The following SPATA6 variants were observed in gnomAD, a reference collection of about 807,000 sequenced individuals.
The protein encoded by SPATA6 is spermatogenesis-associated protein 6.
A neutral mutation model predicts 65.3 loss-of-function variants in SPATA6; 56 were observed. The observed-to-expected ratio is 0.86, with a 90% CI of 0.69 to 1.07. SPATA6 has a LOEUF of 1.07. SPATA6 is among the 50% of genes least tolerant of loss of function. The pLI is 0.00. For missense variants in SPATA6, 590 were observed against 594.8 expected (o/e 0.99, Z 0.08); for synonymous variants, 199 against 213.2 (o/e 0.93, Z 0.58).
intron 11 of SPATA6, among the ~76,000 whole-genome samples, chr1:48,340,287 A>G (rs1009033086): frequency 6.7e-6 from 1 of 148,442 alleles, no homozygotes; most frequent in Non-Finnish European, 1.5e-5. Flanking sequence ...AGAATTTTCC[A>G]TGCAAATGAG....
In SPATA6 at chr1:48,399,610, T is replaced by A. The variant is rs1479860144; in HGVS notation, c.521A>T (p.Lys174Ile). ...KFIYHLAPVE[K>I]SHGRLQNRTS... Reference sequence around the variant, plus strand: ...TCTGTTTTGCAGTCTGCCATGTGATTTTTCAACTGGAGCCAAATGGTAAAT... The same window carrying A: ...TCTGTTTTGCAGTCTGCCATGTGATATTTCAACTGGAGCCAAATGGTAAAT... The change falls in exon 7 of 13, where the codon AAA becomes ATA. Residue 174 changes from lysine (K) to isoleucine (I), a missense_variant. Coordinates refer to ENST00000371847, the MANE Select transcript of SPATA6 (RefSeq NM_019073.4). 4 of 1,603,930 alleles carry A rather than the reference T, an allele frequency of 2.5e-6. No homozygotes were observed. The South Asian group carries it at 4.5e-5, about 18-fold the overall frequency.
At chr1:48,403,250 A>G (rs1651350852) in intron 6 of SPATA6, among the ~76,000 whole-genome samples, 1 of 152,140 alleles carries the variant, frequency 6.6e-6, no homozygotes, top group Non-Finnish European at 1.5e-5. Context: ...GCTGTTTTCA[A>G]AAACATAGAT....
intron 9 of SPATA6, among the ~76,000 whole-genome samples, chr1:48,370,494 T>G (rs1427023159): frequency 1.3e-5 from 2 of 152,242 alleles, no homozygotes; most frequent in African/African-American, 4.8e-5. Context: ...ATTTAAACAT[T>G]CATATGTGCA....
chr1:48,411,419 A>C (rs775998096), intron 5 of SPATA6, 45 bp downstream of exon 5: 1 of 1,567,034 alleles, frequency 6.4e-7, no homozygotes, highest in Non-Finnish European at 8.7e-7. Flanking sequence ...GTTTCTGACA[A>C]TGATTTTCCA....
chr1:48,404,813 C>T (rs2147953110), intron 5 of SPATA6, among the ~76,000 whole-genome samples: 1 of 152,278 alleles, frequency 6.6e-6, no homozygotes, highest in African/African-American at 2.4e-5. Flanking sequence ...ATTTCAATCA[C>T]CACCTTGAAC....
intron 9 of SPATA6, among the ~76,000 whole-genome samples, chr1:48,363,168 A>T (rs559139107): frequency 6.6e-6 from 1 of 152,240 alleles, no homozygotes; most frequent in East Asian, 1.9e-4. Context: ...TATCAAAATA[A>T]GGGGTTACGA....
At chr1:48,437,909 A>C (rs75857846) in intron 3 of SPATA6, among the ~76,000 whole-genome samples, 4 of 151,794 alleles carry the variant, frequency 2.6e-5, no homozygotes, top group African/African-American at 9.7e-5. Context: ...AAAAAAAAAA[A>C]ACACACCAAT....
At chr1:48,379,167 A>T (rs185597995) in intron 9 of SPATA6, among the ~76,000 whole-genome samples, 19 of 152,312 alleles carry the variant, frequency 1.2e-4, no homozygotes, top group African/African-American at 4.6e-4. Flanking sequence ...AGAAGGAGAA[A>T]CAGGCACATC....
the SPATA6 span, among the ~76,000 whole-genome samples, chr1:48,279,369 T>A: frequency 6.6e-6 from 1 of 152,146 alleles, no homozygotes; most frequent in Admixed American, 6.5e-5. Flanking sequence ...ATGCTCCAAT[T>A]AAAAGACACA....
chr1:48,465,995 A>C (rs890176840), intron 1 of SPATA6, among the ~76,000 whole-genome samples: 8 of 152,256 alleles, frequency 5.3e-5, no homozygotes, highest in Middle Eastern at 3.4e-3. Flanking sequence ...TGAGACATTC[A>C]AGTCATGCAG....
intron 8 of SPATA6, among the ~76,000 whole-genome samples, chr1:48,394,103 G>C (rs1265645296): frequency 6.6e-6 from 1 of 152,110 alleles, no homozygotes; most frequent in South Asian, 2.1e-4. Flanking sequence ...TATGGATTCT[G>C]AGTGAAAGCT....
chr1:48,356,127 C>A (rs1438029508), intron 10 of SPATA6, among the ~76,000 whole-genome samples: 2 of 152,002 alleles, frequency 1.3e-5, no homozygotes, highest in African/African-American at 2.4e-5. Context: ...ACAAAAATAT[C>A]TACAATTTAA....
At chr1:48,367,070 G>C (rs373011184) in intron 9 of SPATA6, among the ~76,000 whole-genome samples, 1 of 152,090 alleles carries the variant, frequency 6.6e-6, no homozygotes, top group Non-Finnish European at 1.5e-5. Context: ...AGTCATTCAG[G>C]AGCAGGTTGT....
the SPATA6 span, among the ~76,000 whole-genome samples, chr1:48,267,837 C>T: frequency 1.5e-5 from 2 of 135,584 alleles, no homozygotes; most frequent in African/African-American, 5.4e-5. Flanking sequence ...CTGCAAGTTC[C>T]GCCTCCCGGG....
chr1:48,293,046 G>A (rs187475144), downstream of SPATA6, among the ~76,000 whole-genome samples: 2 of 152,196 alleles, frequency 1.3e-5, no homozygotes, highest in East Asian at 1.9e-4. Flanking sequence ...AAGGGTGCTG[G>A]GGTCATCTGA....
intron 3 of SPATA6, among the ~76,000 whole-genome samples, chr1:48,435,033 ATC>A (rs756889970): frequency 1.4e-3 from 209 of 151,554 alleles, no homozygotes; most frequent in Non-Finnish European, 2.0e-3. Flanking sequence ...GTTAATATAT[ATC>A]TCCCTAGAGC....
chr1:48,369,818 G>T (rs1477173675), intron 9 of SPATA6, among the ~76,000 whole-genome samples: 1 of 152,214 alleles, frequency 6.6e-6, no homozygotes, highest in Non-Finnish European at 1.5e-5. Context: ...TCTCTAGTGA[G>T]ATGAACCCGG....
intron 11 of SPATA6, among the ~76,000 whole-genome samples, chr1:48,308,417 A>G (rs1645114808): frequency 6.6e-6 from 1 of 152,110 alleles, no homozygotes; most frequent in African/African-American, 2.4e-5. Flanking sequence ...CTATGTTCCT[A>G]CCAACAAATA....
intron 2 of SPATA6, 44 bp from the exon 3 acceptor site, chr1:48,451,644 A>T (rs200183446): frequency 3.1e-5 from 48 of 1,565,060 alleles, no homozygotes; most frequent in East Asian, 1.4e-4. Flanking sequence ...GAAGATATAT[A>T]TTTTTTTTCT....
Sources: allele counts gnomAD v4.1 joint callset (sites outside exome capture counted in the v4.1 genomes callset), GRCh38; gene constraint gnomAD v4.1.1; transcripts MANE v1.5; gene names NCBI Gene and HGNC (gene_info 2026-07-23, HGNC 2026-07-21).